Variants in ZNF541 observed in about 807,000 individuals in gnomAD.
The protein encoded by ZNF541 is zinc finger protein 541.
Under a neutral mutation model 123.5 loss-of-function variants are expected in ZNF541, and 23 were observed. The ratio of observed to expected loss-of-function variants is 0.19; its 90% CI spans 0.13 to 0.26. The LOEUF (loss-of-function observed/expected upper bound fraction) is 0.26, where lower values mean the gene tolerates loss of function less well. Among genes scored for constraint, ZNF541 ranks in the 10% least tolerant of loss-of-function variants. The pLI, the probability that ZNF541 is intolerant of heterozygous loss-of-function variation, is 1.00. For missense variants in ZNF541, 1,612 were observed against 1,789.9 expected, an observed-to-expected ratio of 0.90 and a Z score of 1.79; for synonymous variants, 751 against 754.5, an observed-to-expected ratio of 1.00 and a Z score of 0.08.
In ZNF541 at chr19:47,545,408, A is replaced by G; in HGVS notation, c.1121T>C (p.Leu374Pro). The stretch of plus-strand genomic sequence containing the variant: ...CTCCGCGGTGGACCGGGCCTGGAGC[A>G]GCGCGGTATCTGGCTCCGGCTCTGG... ...DPPEPEPDTALLQARSTAECW... is the reference protein window; with the variant it reads ...DPPEPEPDTAPLQARSTAECW... Residue 374 changes from leucine to proline, a missense_variant, in exon 5 of 17, where the codon CTG becomes CCG. Leu to Pro is a moderately conservative substitution (Grantham distance 98, BLOSUM62 -3). This residue lies in a region of ZNF541 where 1,080 missense variants were observed against 1,013.8 expected (regional missense o/e 1.07). Coordinates refer to ENST00000391901, the MANE Select transcript of ZNF541 (RefSeq NM_001277075.3). The surrounding 1 kb of genome is among the most constrained non-coding windows in gnomAD (Gnocchi z 7.5). The G allele has an allele frequency of 1.3e-6, 2 of 1,498,892 alleles. No homozygotes were observed. The highest frequency in any genetic ancestry group is 1.8e-6 in the Non-Finnish European group (2 of 1,121,452). The allele number at this position is 1,498,892 out of a possible 1,614,324, so 92.8% of individuals were successfully genotyped here.
Position 47,573,105 on chromosome 19 carries a change from CGGGCCTCGCGCCT to C in ZNF541, c.-281_-269del, listed in dbSNP as rs1971533884. The stretch of plus-strand genomic sequence containing the variant: ...TACCCGCCCCCGGGGGCTCGCGCGC[CGGGCCTCGCGCCT>C]GGCGCCTCGCGGGGCTCCCAGCGGC... On this transcript the variant is annotated 5_prime_UTR_variant, in exon 1 of 17. Transcript: ENST00000391901. 1.3e-5 allele frequency among the ~76,000 whole-genome samples: 2 copies of C among 150,026 alleles called. No individual in the cohort carries two copies. Among genetic ancestry groups the C allele is most frequent in the South Asian group, 4.1e-4 (2 of 4,830 alleles).
At chr19:47,531,810 C>A (rs547622532) in intron 11 of ZNF541, 65 bp from the exon 12 acceptor site, 3 of 1,403,930 alleles carry the variant, frequency 2.1e-6, no homozygotes, top group South Asian at 2.7e-5. Context: ...AGGGAGGAAC[C>A]TTTCCCGAAA....
Position 47,555,949 on chromosome 19 carries a change from T to C in ZNF541, c.-93A>G. 1 of 1,250,796 alleles carries C rather than the reference T, an allele frequency of 8.0e-7. No homozygotes were observed. Among genetic ancestry groups the C allele is most frequent in the Non-Finnish European group, 1.1e-6 (1 of 917,218 alleles). The allele number at this position is 1,250,796 out of a possible 1,614,324, so 77.5% of individuals were successfully genotyped here. On this transcript the variant is annotated 5_prime_UTR_variant, in exon 3 of 17. Coordinates refer to ENST00000391901, the MANE Select transcript of ZNF541 (RefSeq NM_001277075.3). ...GGAGGAGAGAGCCCTTGATGGCAAC[T>C]AATTCCTGAAAATGAAGCAAGAAGA...
intron 4 of ZNF541, among the ~76,000 whole-genome samples, chr19:47,547,945 C>A (rs1970424420): frequency 6.7e-6 from 1 of 148,476 alleles, no homozygotes. Context: ...GATGAGGAGG[C>A]AGGAAAATCA....
chr19:47,556,783 A>C (rs1196605636), intron 2 of ZNF541, among the ~76,000 whole-genome samples: 1 of 135,220 alleles, frequency 7.4e-6, no homozygotes, highest in East Asian at 2.1e-4. Flanking sequence ...TTTGAGATGG[A>C]GTCTCATTCT....
intron 2 of ZNF541, among the ~76,000 whole-genome samples, chr19:47,560,830 G>A (rs1239619996): frequency 2.0e-5 from 3 of 152,076 alleles, no homozygotes; most frequent in African/African-American, 7.2e-5. Flanking sequence ...CCCTCAATAG[G>A]TGAATGGATC....
In ZNF541 at chr19:47,571,061, A is replaced by G. The variant is rs565107602; in HGVS notation, c.-99+835T>C. Among the ~76,000 whole-genome samples the G allele has an allele frequency of 4.6e-5, 7 of 152,274 alleles. No individual in the cohort carries two copies. In the South Asian group the frequency reaches 1.5e-3, roughly 32 times the overall value. On this transcript the variant is annotated intron_variant, in intron 2 of 16. Coordinates refer to ENST00000391901, the MANE Select transcript of ZNF541 (RefSeq NM_001277075.3). ...ACGCATCTAAAAGAAAGAAACCCGAAACTGAAAATTCCAAAGTGGTGGCCG... is the reference window on the plus strand; with the variant it reads ...ACGCATCTAAAAGAAAGAAACCCGAGACTGAAAATTCCAAAGTGGTGGCCG...
chr19:47,527,760 C>T lies in ZNF541; in HGVS notation c.3570+1190G>A, dbSNP rs183460792. 3.3e-3 allele frequency among the ~76,000 whole-genome samples: 496 copies of T among 151,314 alleles called. 3 individuals are homozygous for T. Among genetic ancestry groups the T allele is most frequent in the African/African-American group, 0.011 (468 of 41,248 alleles). On this transcript the variant is annotated intron_variant, in intron 14 of 16. Coordinates refer to ENST00000391901, the MANE Select transcript of ZNF541 (RefSeq NM_001277075.3). ...TGTTGTCCAGGCTGGAGTGCAGTGG[C>T]GAGATCTTGGCTCACCGCAACCTCC...
chr19:47,567,479 C>T (rs897487975), intron 2 of ZNF541, among the ~76,000 whole-genome samples: 3 of 152,156 alleles, frequency 2.0e-5, no homozygotes, highest in South Asian at 2.1e-4. Flanking sequence ...AGCTGGGTCT[C>T]GAACTCCTTA....
At chr19:47,563,109 A>T (rs1471093646) in intron 2 of ZNF541, among the ~76,000 whole-genome samples, 1 of 152,200 alleles carries the variant, frequency 6.6e-6, no homozygotes, top group Non-Finnish European at 1.5e-5. Flanking sequence ...TGCATGTTAT[A>T]TGTCTACCTG....
rs1460306640 is a variant in ZNF541, at chr19:47,545,730, A to G, written c.799T>C (p.Ser267Pro). The G allele has an allele frequency of 6.5e-7, 1 of 1,544,932 alleles. No individual in the cohort carries two copies. Residue 267 changes from serine (S) to proline (P), a missense_variant, in exon 5 of 17, where the codon TCC becomes CCC. Physicochemically the swap from Ser to Pro is moderately conservative, Grantham distance 74. Transcript: ENST00000391901. This position sits in a 1 kb window ranked among gnomAD's most constrained non-coding sequence, Gnocchi z 7.5. ...AGGAGGTCCCGGTGGGGCAGGAGGG[A>G]GCCGGGGGACCTGGCCTCTGGGGGC... is the stretch of plus-strand genomic sequence containing the variant. ...LVPPEARSPG[S>P]LLPHRDLLRR...
At position 47,528,956 on chromosome 19, in the gene ZNF541, G is replaced by A. The variant is rs1226980722; in HGVS notation, c.3564C>T (p.His1188=). Reference sequence around the variant, plus strand: ...CAGCCCACATTCACTTTACCATCTTGTGTATCAAGTAGAAGTCCTTCTTGT... The same window carrying A: ...CAGCCCACATTCACTTTACCATCTTATGTATCAAGTAGAAGTCCTTCTTGT... ...YAHKKDFYLI[H]KMIQTKTVAQ... The change falls in exon 14 of 17, where the codon CAC becomes CAT. Residue 1188 remains histidine (H), a synonymous_variant. Coordinates refer to ENST00000391901, the MANE Select transcript of ZNF541 (RefSeq NM_001277075.3). The A allele has an allele frequency of 4.5e-6, 7 of 1,550,978 alleles. No individual in the cohort carries two copies. The highest frequency in any genetic ancestry group is 6.1e-6 in the Non-Finnish European group (7 of 1,146,514).
chr19:47,568,200 C>T (rs919014219), intron 2 of ZNF541, among the ~76,000 whole-genome samples: 2 of 152,114 alleles, frequency 1.3e-5, no homozygotes, highest in East Asian at 1.9e-4. Context: ...CCACACCCCC[C>T]ACCTCCTAAG....
chr19:47,545,303 G>C lies in ZNF541; in HGVS notation c.1226C>G (p.Ser409Trp), dbSNP rs1450591453. Reference protein sequence around the residue: ...GQTVPASSQPSSHSFQWLRNL... With the variant: ...GQTVPASSQPWSHSFQWLRNL... ...CCGGAGCCACTGGAAGCTGTGGCTC[G>C]ATGGCTGGGAACTGGCAGGGACCGT... The change falls in exon 5 of 17, where the codon TCG (serine) becomes TGG (tryptophan). Residue 409 changes from serine to tryptophan, a missense_variant. Ser to Trp is a radical substitution (Grantham distance 177). Transcript: ENST00000391901. The surrounding 1 kb of genome is among the most constrained non-coding windows in gnomAD (Gnocchi z 7.5). 7.7e-6 allele frequency: 12 copies of C among 1,549,346 alleles called. No homozygotes were observed. The highest frequency in any genetic ancestry group is 1.0e-5 in the Non-Finnish European group (12 of 1,146,708).
chr19:47,549,742 G>C (rs955975454), intron 3 of ZNF541, among the ~76,000 whole-genome samples: 1 of 152,074 alleles, frequency 6.6e-6, no homozygotes, highest in African/African-American at 2.4e-5. Context: ...GACCACAATG[G>C]GCTGGGCTTT....
chr19:47,529,434 C>T, intron 13 of ZNF541, 143 bp downstream of exon 13: 1 of 782,666 alleles, frequency 1.3e-6, no homozygotes, highest in Non-Finnish European at 2.0e-6. Context: ...ACTGAGTCAT[C>T]CCGACAAGGA....
At chr19:47,552,524 A>G (rs1332871274) in intron 3 of ZNF541, among the ~76,000 whole-genome samples, 1 of 151,986 alleles carries the variant, frequency 6.6e-6, no homozygotes, top group Non-Finnish European at 1.5e-5. Context: ...GTCACTTAAA[A>G]ATGCCTATTA....
rs1288267527 is a variant in ZNF541, at chr19:47,532,306, C to T, written c.3159-36G>A. On this transcript the variant is annotated intron_variant, in intron 10 of 16. Coordinates refer to ENST00000391901, the MANE Select transcript of ZNF541 (RefSeq NM_001277075.3). ...GCCACACACAGATAAGGGAGACGTA[C>T]AAACATGACTGAGATGGGAAGTGAA... is the stretch of plus-strand genomic sequence containing the variant. The T allele has an allele frequency of 2.6e-6, 4 of 1,547,764 alleles. No individual in the cohort carries two copies. In the East Asian group the frequency reaches 9.8e-5, roughly 38 times the overall value.
chr19:47,544,592 T>A lies in ZNF541; in HGVS notation c.1937A>T (p.Asp646Val). Residue 646 changes from aspartate to valine, a missense_variant, in exon 5 of 17, where the codon GAC becomes GTC. By Grantham distance (152) the Asp-to-Val change is radical. Around this residue, in one of 5 missense-constraint regions of ZNF541, gnomAD observed 1,080 missense variants for 1,013.8 expected, o/e 1.07. Coordinates refer to ENST00000391901, the MANE Select transcript of ZNF541 (RefSeq NM_001277075.3). ...GGCCACTTTCAGTCCCCCCTTTGCG[T>A]CTCGTCTCGTGCTGCCGGGGGAGGC... Reference protein sequence around the residue: ...REASPGSTRRDAKGGLKVAAV... With the variant: ...REASPGSTRRVAKGGLKVAAV... The A allele has an allele frequency of 3.2e-6, 5 of 1,551,028 alleles. No homozygotes were observed. Among genetic ancestry groups the A allele is most frequent in the Non-Finnish European group, 4.4e-6 (5 of 1,146,852 alleles).
Sources: gnomAD v4.1 joint callset for allele counts (sites outside exome capture counted in the v4.1 genomes callset) on GRCh38, gnomAD v4.1.1 for gene constraint, gnomAD v4.1.1 regional missense constraint, Gnocchi (gnomAD v3.1) non-coding constraint, MANE v1.5 for transcripts, NCBI Gene and HGNC (gene_info 2026-07-23, HGNC 2026-07-21) for gene names.